RBFOX1: variants seen among roughly 807,000 people sequenced by gnomAD.
RBFOX1 encodes the protein RNA binding protein fox-1 homolog 1.
Under a neutral mutation model 57.7 loss-of-function variants are expected in RBFOX1, and 8 were observed. That is an observed-to-expected ratio of 0.14 (90% confidence interval 0.08 to 0.25). The LOEUF (loss-of-function observed/expected upper bound fraction) is 0.25, where lower values mean the gene tolerates loss of function less well. RBFOX1 is among the 10% of genes least tolerant of loss of function. The pLI, the probability that RBFOX1 is intolerant of heterozygous loss-of-function variation, is 1.00. For synonymous variants in RBFOX1, 326 were observed against 222.4 expected, an observed-to-expected ratio of 1.47 and a Z score of -4.15; for missense variants, 611 against 548.5, an observed-to-expected ratio of 1.11 and a Z score of -1.14.
intron 2 of RBFOX1, among the ~76,000 whole-genome samples, chr16:6,457,439 C>CA: frequency 5.9e-5 from 2 of 34,028 alleles, no homozygotes; most frequent in African/African-American, 1.2e-4. Context: ...TTCCGGAAGT[C>CA]CCCCCCCCCG....
In RBFOX1 at chr16:7,183,327, G is replaced by T. The variant is rs2083099746; in HGVS notation, c.27+131229G>T. On this transcript the variant is annotated intron_variant, in intron 4 of 15. Coordinates refer to ENST00000550418, the MANE Select transcript of RBFOX1 (RefSeq NM_018723.4). ...AATTTACAGAGGGTAGTGAGGGTAG[G>T]GGTTGATCTCAAATTTGACAGAAGA... Among the ~76,000 whole-genome samples, 3 of 152,218 alleles carry T rather than the reference G, an allele frequency of 2.0e-5. No individual in the cohort carries two copies. In the South Asian group the frequency reaches 6.2e-4, roughly 32 times the overall value.
chr16:6,686,420 T>C (rs1422221516), intron 3 of RBFOX1, among the ~76,000 whole-genome samples: 2 of 152,226 alleles, frequency 1.3e-5, no homozygotes, highest in Non-Finnish European at 2.9e-5. Flanking sequence ...TAAGAACTGC[T>C]ATGCGCAGGC....
intron 4 of RBFOX1, among the ~76,000 whole-genome samples, chr16:7,272,109 A>G (rs1364481073): frequency 6.6e-6 from 1 of 152,180 alleles, no homozygotes; most frequent in Non-Finnish European, 1.5e-5. Flanking sequence ...AAGACCCCAA[A>G]TGCTCCTGAA....
intron 12 of RBFOX1, among the ~76,000 whole-genome samples, chr16:7,656,503 G>A (rs7500353): frequency 6.6e-6 from 1 of 152,014 alleles, no homozygotes; most frequent in African/African-American, 2.4e-5. Flanking sequence ...TTGTGTTCAG[G>A]GAAAGCAAGT....
At chr16:6,815,630 G>A (rs1043084327) in intron 3 of RBFOX1, among the ~76,000 whole-genome samples, 6 of 152,114 alleles carry the variant, frequency 3.9e-5, no homozygotes, top group African/African-American at 1.4e-4. Flanking sequence ...GCAAATGAGT[G>A]ACTTTCTCAA....
At chr16:6,794,640 G>A (rs1264266917) in intron 3 of RBFOX1, among the ~76,000 whole-genome samples, 1 of 152,122 alleles carries the variant, frequency 6.6e-6, no homozygotes, top group Non-Finnish European at 1.5e-5. Context: ...TGTAAAGCGG[G>A]TGAGAGAAAC....
At chr16:5,490,570 G>T (rs1034914777) in intron 2 of RBFOX1, among the ~76,000 whole-genome samples, 1 of 152,198 alleles carries the variant, frequency 6.6e-6, no homozygotes, top group African/African-American at 2.4e-5. Context: ...CGCCCTCCAT[G>T]GTGCTGGCCG....
At chr16:7,022,331 G>T (rs966532997) in intron 3 of RBFOX1, among the ~76,000 whole-genome samples, 1 of 151,548 alleles carries the variant, frequency 6.6e-6, no homozygotes, top group African/African-American at 2.4e-5. Flanking sequence ...GGGATTGCAG[G>T]CATGAACCAC....
intron 1 of RBFOX1, among the ~76,000 whole-genome samples, chr16:6,256,251 A>G (rs796225870): frequency 1.5e-4 from 17 of 112,084 alleles, no homozygotes; most frequent in African/African-American, 7.6e-4. Context: ...ATATATGTAT[A>G]TATATGTGTA....
intron 4 of RBFOX1, among the ~76,000 whole-genome samples, chr16:7,164,659 C>A (rs376657481): frequency 4.6e-5 from 7 of 152,308 alleles, no homozygotes; most frequent in African/African-American, 1.7e-4. Flanking sequence ...TACAAACACA[C>A]ACAATGACAT....
At chr16:5,603,767 A>G (rs74004405), downstream of RBFOX1, among the ~76,000 whole-genome samples, 6,385 of 152,266 alleles carry the variant, frequency 0.042, 423 homozygotes, top group African/African-American at 0.15. Flanking sequence ...ATGTGGCCAC[A>G]AGATGGAGAG....
intron 7 of RBFOX1, among the ~76,000 whole-genome samples, chr16:7,590,511 C>T (rs1205258197): frequency 6.6e-6 from 1 of 152,042 alleles, no homozygotes; most frequent in Non-Finnish European, 1.5e-5. Context: ...TCGTTTACCT[C>T]TGATATGGTC....
chr16:5,683,745 G>T (rs528711455), intron 3 of RBFOX1, among the ~76,000 whole-genome samples: 4 of 148,648 alleles, frequency 2.7e-5, no homozygotes, highest in African/African-American at 9.8e-5. Flanking sequence ...ACGTGTATGT[G>T]TGTGTATATA....
At chr16:7,416,358 C>T (rs981702626) in intron 4 of RBFOX1, among the ~76,000 whole-genome samples, 10 of 152,150 alleles carry the variant, frequency 6.6e-5, no homozygotes, top group Non-Finnish European at 5.9e-5. Context: ...CTAATTTGAT[C>T]AGAATAGAGG....
intron 14 of RBFOX1, among the ~76,000 whole-genome samples, chr16:7,700,740 T>G (rs879742386): frequency 1.3e-5 from 2 of 152,170 alleles, no homozygotes; most frequent in Non-Finnish European, 2.9e-5. Context: ...AAAGTGGGAC[T>G]TACTTACTGT....
intron 3 of RBFOX1, among the ~76,000 whole-genome samples, chr16:5,617,131 C>G (rs1356436175): frequency 1.3e-5 from 2 of 151,764 alleles, no homozygotes; most frequent in Non-Finnish European, 2.9e-5. Context: ...CCCTCCCTCC[C>G]TCATTCATTC....
chr16:6,089,973 T>A (rs1293310989), intron 1 of RBFOX1: 1 of 152,258 alleles, frequency 6.6e-6, no homozygotes, highest in African/African-American at 2.4e-5. Context: ...AGGTCAGAAG[T>A]CCTAAGTGGG....
intron 1 of RBFOX1, among the ~76,000 whole-genome samples, chr16:5,344,386 A>G (rs1489303403): frequency 6.6e-6 from 1 of 152,138 alleles, no homozygotes; most frequent in Non-Finnish European, 1.5e-5. Context: ...CTGATTGGGG[A>G]TCAAGCTAAA....
intron 3 of RBFOX1, among the ~76,000 whole-genome samples, chr16:6,822,422 A>G (rs2091462391): frequency 6.6e-6 from 1 of 152,250 alleles, no homozygotes; most frequent in Admixed American, 6.5e-5. Flanking sequence ...AAGCCACTGC[A>G]AACTTTCATT....
Sources: allele counts gnomAD v4.1 joint callset (sites outside exome capture counted in the v4.1 genomes callset), GRCh38; gene constraint gnomAD v4.1.1; transcripts MANE v1.5; gene names NCBI Gene and HGNC (gene_info 2026-07-23, HGNC 2026-07-21).